Variants in SDCBP observed in about 807,000 individuals in gnomAD.
The protein encoded by SDCBP is syndecan binding protein, also known as syntenin-1.
In SDCBP, 22 loss-of-function variants were observed where a neutral mutation model predicts 30.5. The ratio of observed to expected loss-of-function variants is 0.72; its 90% CI spans 0.52 to 1.03. The LOEUF (loss-of-function observed/expected upper bound fraction) is 1.03. Ranked by LOEUF, SDCBP falls within the 50% of genes least tolerant of loss-of-function variation. The pLI, the probability that SDCBP is intolerant of heterozygous loss-of-function variation, is 0.00. For missense variants in SDCBP, 304 were observed against 369.9 expected (o/e 0.82, Z 1.46); for synonymous variants, 103 against 118.7 (o/e 0.87, Z 0.86).
chr8:58,570,192 A>G (rs1804937671), intron 2 of SDCBP, among the ~76,000 whole-genome samples: 1 of 152,212 alleles, frequency 6.6e-6, no homozygotes, highest in African/African-American at 2.4e-5. Flanking sequence ...GATGTAGGCC[A>G]TCAAGACAGC....
In SDCBP at chr8:58,570,995, T is replaced by C. The variant is rs187922508; in HGVS notation, c.130+30T>C. ...GTTTATACTTTGAGTTCATTCTCTG[T>C]GAACAGAAATATTGTTATCTTCTTT... On this transcript the variant is annotated intron_variant, in intron 3 of 8. Transcript: ENST00000260130. 3.6e-3 allele frequency: 5,320 copies of C among 1,479,298 alleles called. 17 individuals are homozygous for C. Among genetic ancestry groups the C allele is most frequent in the Non-Finnish European group, 4.6e-3 (4,919 of 1,062,438 alleles). 91.6% of individuals were successfully genotyped at this position (1,479,298 alleles called of 1,614,324 possible). A position where few individuals can be genotyped will look rare whatever the true frequency, so the allele number is the denominator to read the frequency against.
At chr8:58,562,554 C>CTTGA (rs149770289) in intron 1 of SDCBP, among the ~76,000 whole-genome samples, 60,274 of 151,594 alleles carry the variant, frequency 0.4, 12,776 homozygotes, top group East Asian at 0.55. Flanking sequence ...GTTATGATCA[C>CTTGA]TTTTCAATAA....
rs1214141250 is a variant in SDCBP, at chr8:58,557,217, A to C, written c.-16+3914A>C. On this transcript the variant is annotated intron_variant, in intron 1 of 8. Coordinates refer to ENST00000260130, the MANE Select transcript of SDCBP (RefSeq NM_005625.4). ...ATTATATATTAATATTATATTATTTATATATTCCAGGAAAATGATATTAAT... is the reference window on the plus strand; with the variant it reads ...ATTATATATTAATATTATATTATTTCTATATTCCAGGAAAATGATATTAAT... 2.3e-5 allele frequency among the ~76,000 whole-genome samples: 3 copies of C among 127,672 alleles called. No individual in the cohort carries two copies. The East Asian group carries it at 6.5e-4, about 28-fold the overall frequency. 83.8% of individuals were successfully genotyped at this position (127,672 alleles called of 152,430 possible).
Position 58,578,035 on chromosome 8 carries a change from T to C in SDCBP, c.405T>C (p.Gly135=). Reference sequence around the variant, plus strand: ...AAAATTATTTTCTTATTATCTAGGGTATATTTGTTCAGCTAGTCCAGGCTA... The same window carrying C: ...AAAATTATTTTCTTATTATCTAGGGCATATTTGTTCAGCTAGTCCAGGCTA... ...IGLRLKSIDN[G]IFVQLVQANS... The change falls in exon 6 of 9, where the codon GGT becomes GGC. Residue 135 remains glycine, a splice_region_variant and synonymous_variant. Transcript: ENST00000260130. The C allele has an allele frequency of 6.2e-7, 1 of 1,611,378 alleles. No homozygotes were observed. The highest frequency in any genetic ancestry group is 1.7e-5 in the Admixed American group (1 of 59,952).
chr8:58,558,268 A>ATCT (rs1338019947), intron 1 of SDCBP, among the ~76,000 whole-genome samples: 2 of 152,132 alleles, frequency 1.3e-5, no homozygotes, highest in East Asian at 3.9e-4. Flanking sequence ...AACATTTGGT[A>ATCT]TCTTCTTTTT....
At chr8:58,574,535 A>G (rs925866265) in intron 4 of SDCBP, among the ~76,000 whole-genome samples, 4 of 152,130 alleles carry the variant, frequency 2.6e-5, no homozygotes, top group Non-Finnish European at 4.4e-5. Context: ...TTGTGTCTGC[A>G]TCTCCAGGGT....
rs745960220 is a variant in SDCBP at position 58,572,246 on chromosome 8, G to A, written c.172G>A (p.Gly58Arg). The change falls in exon 4 of 9, where the codon GGG becomes AGG. Residue 58 changes from glycine (G) to arginine (R), a missense_variant. Physicochemically the swap from Gly to Arg is moderately radical, Grantham distance 125 (BLOSUM62 -2). Transcript: ENST00000260130. Reference protein sequence around the residue: ...RLYPELSQYMGLSLNEEEIRA... With the variant: ...RLYPELSQYMRLSLNEEEIRA... ...GTATCCAGAGCTCTCTCAATACATG[G>A]GGCTGAGTTTAAATGAAGAAGAAAT... The A allele has an allele frequency of 4.3e-6, 7 of 1,611,856 alleles. No homozygotes were observed. Among genetic ancestry groups the A allele is most frequent in the Non-Finnish European group, 4.2e-6 (5 of 1,179,590 alleles).
intron 1 of SDCBP, among the ~76,000 whole-genome samples, chr8:58,557,014 CTT>C (rs1436751419): frequency 7.7e-6 from 1 of 130,452 alleles, no homozygotes; most frequent in Non-Finnish European, 1.6e-5. Flanking sequence ...TATACTATAT[CTT>C]ATATACTATA....
chr8:58,579,232 T>C (rs1400589648), intron 6 of SDCBP, among the ~76,000 whole-genome samples: 1 of 135,580 alleles, frequency 7.4e-6, no homozygotes, highest in Admixed American at 7.1e-5. Context: ...GTCCTAAAAA[T>C]GATTTGGCTC....
Position 58,582,010 on chromosome 8 carries a change from T to C in SDCBP, c.*270T>C, listed in dbSNP as rs569977497. On this transcript the variant is annotated 3_prime_UTR_variant, in exon 9 of 9. Transcript: ENST00000260130. ...AATAGTTTCTCTACTGGAAACCTGA[T>C]GCTTTTATAAGCCATTGTGATTAGG... 8 of 435,372 alleles carry C rather than the reference T, an allele frequency of 1.8e-5. No homozygotes were observed. The highest frequency in any genetic ancestry group is 8.8e-5 in the East Asian group (2 of 22,628). The allele number at this position is 435,372 out of a possible 1,614,324, so 27.0% of individuals were successfully genotyped here.
rs574979134 is a variant in SDCBP at position 58,557,405 on chromosome 8, A to T, written c.-16+4102A>T. Among the ~76,000 whole-genome samples, 83 of 112,406 alleles carry T rather than the reference A, an allele frequency of 7.4e-4. 1 individual carries two copies. In the East Asian group the frequency reaches 0.017, roughly 23 times the overall value. 73.7% of individuals were successfully genotyped at this position (112,406 alleles called of 152,430 possible). On this transcript the variant is annotated intron_variant, in intron 1 of 8. Coordinates refer to ENST00000260130, the MANE Select transcript of SDCBP (RefSeq NM_005625.4). ...AAATATTTATATTTAAAATATAATA[A>T]TATAATGTAATATAATATATATTAT...
At position 58,579,611 on chromosome 8, in the gene SDCBP, TTA is replaced by T; in HGVS notation, c.579-10_579-9del. Reference sequence around the variant, plus strand: ...AGAATTAAGTTTTTAATTGAACCAATTATGTTTGTAGGCCCTTTGAACGGACG... The same window carrying T: ...AGAATTAAGTTTTTAATTGAACCAATTGTTTGTAGGCCCTTTGAACGGACG... On this transcript the variant is annotated splice_polypyrimidine_tract_variant and intron_variant, in intron 6 of 8. Coordinates refer to ENST00000260130, the MANE Select transcript of SDCBP (RefSeq NM_005625.4). The T allele has an allele frequency of 6.6e-7, 1 of 1,514,304 alleles. No individual in the cohort carries two copies. 93.8% of individuals were successfully genotyped at this position (1,514,304 alleles called of 1,614,324 possible). A position where few individuals can be genotyped will look rare whatever the true frequency, so the allele number is the denominator to read the frequency against.
chr8:58,571,407 T>TA (rs2129607992), intron 3 of SDCBP, among the ~76,000 whole-genome samples: 2 of 152,284 alleles, frequency 1.3e-5, no homozygotes, highest in South Asian at 4.1e-4. Context: ...TTAAGGCCTT[T>TA]ATTCATTCTC....
intron 1 of SDCBP, among the ~76,000 whole-genome samples, chr8:58,553,753 G>A (rs565840199): frequency 6.6e-6 from 1 of 152,378 alleles, no homozygotes; most frequent in East Asian, 1.9e-4. Context: ...CGTTTCTAGG[G>A]CTGTGCTTAA....
Position 58,578,131 on chromosome 8 carries a change from A to G in SDCBP, c.501A>G (p.Ala167=). The G allele has an allele frequency of 6.2e-7, 1 of 1,612,844 alleles. No individual in the cohort carries two copies. The highest frequency in any genetic ancestry group is 8.5e-7 in the Non-Finnish European group (1 of 1,179,604). The change falls in exon 6 of 9, where the codon GCA becomes GCG. Residue 167 remains alanine (A), a synonymous_variant. Transcript: ENST00000260130. ...QVLQINGENC[A]GWSSDKAHKV... ...TTCAGATCAATGGTGAAAACTGTGC[A>G]GGATGGAGCTCTGATAAAGCGCACA...
At chr8:58,574,426 C>T (rs1805209310) in intron 4 of SDCBP, among the ~76,000 whole-genome samples, 1 of 152,162 alleles carries the variant, frequency 6.6e-6, no homozygotes, top group Non-Finnish European at 1.5e-5. Context: ...AGTAACTGAT[C>T]ATGAGGCTGT....
Position 58,581,820 on chromosome 8 carries a change from T to C in SDCBP, c.*80T>C. 1 of 1,165,912 alleles carries C rather than the reference T, an allele frequency of 8.6e-7. No homozygotes were observed. The highest frequency in any genetic ancestry group is 2.3e-5 in the East Asian group (1 of 42,784). 72.2% of individuals were successfully genotyped at this position (1,165,912 alleles called of 1,614,324 possible). ...ACTTCTGTATTATGCACGTGAAGCC[T>C]TCCCGGAGCCAGCGAGCATATGCTG... On this transcript the variant is annotated 3_prime_UTR_variant, in exon 9 of 9. Transcript: ENST00000260130.
intron 5 of SDCBP, among the ~76,000 whole-genome samples, chr8:58,576,833 C>A (rs1235151173): frequency 6.6e-6 from 1 of 152,232 alleles, no homozygotes; most frequent in Non-Finnish European, 1.5e-5. Context: ...TGCATCCAGC[C>A]TTTCCACATA....
chr8:58,578,875 A>G (rs1299330283), intron 6 of SDCBP, among the ~76,000 whole-genome samples: 1 of 152,190 alleles, frequency 6.6e-6, no homozygotes, highest in African/African-American at 2.4e-5. Flanking sequence ...GTTTCAGATG[A>G]ATGTCCTTTT....
Sources: allele counts gnomAD v4.1 joint callset (sites outside exome capture counted in the v4.1 genomes callset), GRCh38; gene constraint gnomAD v4.1.1; transcripts MANE v1.5; gene names NCBI Gene and HGNC (gene_info 2026-07-23, HGNC 2026-07-21).